KIF11: variants seen among roughly 807,000 people sequenced by gnomAD.
KIF11 encodes the protein kinesin family member 11.
KIF11 carries 9 observed loss-of-function variants against 121.0 expected under a neutral mutation model. The observed-to-expected ratio is 0.07, with a 90% CI of 0.04 to 0.13. KIF11 has a LOEUF of 0.13. KIF11 is among the 10% of genes least tolerant of loss of function. The pLI, the probability that KIF11 is intolerant of heterozygous loss-of-function variation, is 1.00. For missense variants in KIF11, 846 were observed against 1,217.5 expected (o/e 0.69, Z 4.54); for synonymous variants, 408 against 421.0 (o/e 0.97, Z 0.38).
At chr10:92,628,968 T>C in intron 11 of KIF11, 73 bp downstream of exon 11, 74 of 669,278 alleles carry the variant, frequency 1.1e-4, no homozygotes, top group Middle Eastern at 4.2e-4. Flanking sequence ...ATGAAAGATC[T>C]AATATTTTTT....
chr10:92,623,328 A>G (rs997637593), intron 10 of KIF11, among the ~76,000 whole-genome samples: 1 of 152,230 alleles, frequency 6.6e-6, no homozygotes, highest in Non-Finnish European at 1.5e-5. Flanking sequence ...GGCCCATTGT[A>G]TAAAACAACA....
intron 6 of KIF11, among the ~76,000 whole-genome samples, chr10:92,610,483 G>A (rs1312603167): frequency 3.9e-5 from 6 of 152,104 alleles, no homozygotes; most frequent in East Asian, 1.9e-4. Flanking sequence ...GTAAAGACCC[G>A]TACAGGACAA....
At chr10:92,594,805 T>C (rs989760336) in intron 1 of KIF11, among the ~76,000 whole-genome samples, 1 of 152,218 alleles carries the variant, frequency 6.6e-6, no homozygotes, top group African/African-American at 2.4e-5. Flanking sequence ...AGATTTACTT[T>C]ATCACCAATG....
chr10:92,651,548 T>TTTTTTTTTTTTTTTTTTTTTTTTTTTTA (rs1844984273), intron 21 of KIF11, among the ~76,000 whole-genome samples: 1 of 117,108 alleles, frequency 8.5e-6, no homozygotes, highest in Non-Finnish European at 1.8e-5. Flanking sequence ...TTTTTTTTTT[T>TTTTTTTTTTTTTTTTTTTTTTTTTTTTA]AGTAGAGGGG....
At chr10:92,621,970 T>G (rs1458702340) in intron 10 of KIF11, among the ~76,000 whole-genome samples, 1 of 152,196 alleles carries the variant, frequency 6.6e-6, no homozygotes, top group Non-Finnish European at 1.5e-5. Flanking sequence ...TCAGTGGTTA[T>G]CTCTTAAATA....
At chr10:92,649,314 C>T (rs1232897367) in intron 19 of KIF11, among the ~76,000 whole-genome samples, 1 of 151,998 alleles carries the variant, frequency 6.6e-6, no homozygotes, top group Admixed American at 6.6e-5. Flanking sequence ...AGAAATATAA[C>T]TGGGGGCCTG....
At chr10:92,614,743 TA>T (rs1265274604) in intron 8 of KIF11, among the ~76,000 whole-genome samples, 1 of 152,184 alleles carries the variant, frequency 6.6e-6, no homozygotes, top group East Asian at 1.9e-4. Flanking sequence ...ACGCTTATTT[TA>T]TTGCTATCAT....
rs79896157 is a variant in KIF11, at chr10:92,608,976, T to C, written c.388-44T>C. The C allele has an allele frequency of 5.4e-6, 6 of 1,117,830 alleles. No homozygotes were observed. In the Admixed American group the frequency reaches 9.9e-5, roughly 18 times the overall value. 69.2% of individuals were successfully genotyped at this position (1,117,830 alleles called of 1,614,324 possible). Reference sequence around the variant, plus strand: ...GGCCCATGTATTTTAACTGCCACAGTAAATGGCATTCTTCCTTTATATTAG... The same window carrying C: ...GGCCCATGTATTTTAACTGCCACAGCAAATGGCATTCTTCCTTTATATTAG... On this transcript the variant is annotated intron_variant, in intron 4 of 21. Coordinates refer to ENST00000260731, the MANE Select transcript of KIF11 (RefSeq NM_004523.4).
chr10:92,596,253 T>C lies in KIF11; in HGVS notation c.77+2801T>C. 1.3e-5 allele frequency among the ~76,000 whole-genome samples: 2 copies of C among 152,348 alleles called. 1 individual carries two copies. The highest frequency in any genetic ancestry group is 4.1e-4 in the South Asian group (2 of 4,832). On this transcript the variant is annotated intron_variant, in intron 1 of 21. Coordinates refer to ENST00000260731, the MANE Select transcript of KIF11 (RefSeq NM_004523.4). ...CTCCTGACCTTGTGATCTGCCCGCCTTGGCCTCCCTAAGAGCCGGGATTAC... is the reference window on the plus strand; with the variant it reads ...CTCCTGACCTTGTGATCTGCCCGCCCTGGCCTCCCTAAGAGCCGGGATTAC...
rs551325306 is a variant in KIF11, at chr10:92,649,727, T to C, written c.2771-108T>C. On this transcript the variant is annotated intron_variant, in intron 19 of 21. Transcript: ENST00000260731. ...GACTGATCCTCATATATGGCAATTA[T>C]ATTTTTATATTTTTAGAAGACAAGA... is the stretch of plus-strand genomic sequence containing the variant. The C allele has an allele frequency of 1.2e-3, 880 of 713,298 alleles. 5 individuals carry two copies. Among genetic ancestry groups the C allele is most frequent in the Admixed American group, 4.0e-3 (145 of 36,432 alleles). The allele number at this position is 713,298 out of a possible 1,614,324, so 44.2% of individuals were successfully genotyped here.
intron 1 of KIF11, among the ~76,000 whole-genome samples, chr10:92,604,851 T>C (rs1348411007): frequency 6.6e-6 from 1 of 152,176 alleles, no homozygotes; most frequent in African/African-American, 2.4e-5. Flanking sequence ...GACTGTGATA[T>C]TAGTTTTCCC....
chr10:92,651,537 T>C (rs867769386), intron 21 of KIF11, among the ~76,000 whole-genome samples: 1 of 108,782 alleles, frequency 9.2e-6, no homozygotes. Context: ...TTTTTTTTTT[T>C]TTTTTTTTTT....
intron 16 of KIF11, among the ~76,000 whole-genome samples, chr10:92,638,534 AT>A (rs1844831797): frequency 6.6e-6 from 1 of 152,204 alleles, no homozygotes; most frequent in Non-Finnish European, 1.5e-5. Context: ...CTGTTTTGAA[AT>A]GCTTAAAATT....
chr10:92,633,573 T>A, intron 13 of KIF11, 50 bp from the exon 14 acceptor site: 1 of 1,291,314 alleles, frequency 7.7e-7, no homozygotes, highest in South Asian at 1.3e-5. Flanking sequence ...TGAACGGTAT[T>A]TAATATATTT....
intron 10 of KIF11, among the ~76,000 whole-genome samples, chr10:92,625,654 T>C (rs1481850855): frequency 6.6e-6 from 1 of 152,086 alleles, no homozygotes; most frequent in Non-Finnish European, 1.5e-5. Context: ...CCGCTGGGTG[T>C]ATATGATTTT....
chr10:92,635,517 C>T (rs931362273), intron 14 of KIF11, among the ~76,000 whole-genome samples: 4 of 152,164 alleles, frequency 2.6e-5, no homozygotes, highest in African/African-American at 9.7e-5. Flanking sequence ...CAGAACACAA[C>T]GTTTATCAGT....
chr10:92,641,269 C>T (rs1844863644), intron 17 of KIF11, among the ~76,000 whole-genome samples: 1 of 152,140 alleles, frequency 6.6e-6, no homozygotes, highest in African/African-American at 2.4e-5. Flanking sequence ...GAGAAAGATA[C>T]TATATTTACC....
chr10:92,599,718 TCTCGGCTCACTGCAAC>T (rs1310658828), intron 1 of KIF11, among the ~76,000 whole-genome samples: 1 of 147,510 alleles, frequency 6.8e-6, no homozygotes, highest in African/African-American at 2.5e-5. Flanking sequence ...AGTGGCGCGA[TCTCGGCTCACTGCAAC>T]CTCTACCTCC....
At position 92,645,376 on chromosome 10, in the gene KIF11, A is replaced by G. The variant is rs1819854842; in HGVS notation, c.2281A>G (p.Ile761Val). ...CTTTTCCTATAGGAAATCTAAGGAT[A>G]TAGTCAACAAAATGACTTTTCACAG... ...QENIQQKSKD[I>V]VNKMTFHSQK... Residue 761 changes from isoleucine (I) to valine (V), a missense_variant, in exon 18 of 22, where the codon ATA becomes GTA. Physicochemically the swap from Ile to Val is conservative, Grantham distance 29. Coordinates refer to ENST00000260731, the MANE Select transcript of KIF11 (RefSeq NM_004523.4). 1 of 1,609,212 alleles carries G rather than the reference A, an allele frequency of 6.2e-7. No individual in the cohort carries two copies. The highest frequency in any genetic ancestry group is 1.7e-5 in the Admixed American group (1 of 59,692).
Sources: allele counts gnomAD v4.1 joint callset (sites outside exome capture counted in the v4.1 genomes callset), GRCh38; gene constraint gnomAD v4.1.1; transcripts MANE v1.5; gene names NCBI Gene and HGNC (gene_info 2026-07-23, HGNC 2026-07-21).